Variants in CCDC180 observed in about 807,000 individuals in gnomAD.
CCDC180 encodes the protein coiled-coil domain-containing protein 180.
CCDC180 carries 154 observed loss-of-function variants against 209.2 expected under a neutral mutation model. The ratio of observed to expected loss-of-function variants is 0.74; its 90% CI spans 0.65 to 0.84. The LOEUF (loss-of-function observed/expected upper bound fraction) is 0.84, where lower values mean the gene tolerates loss of function less well. Among genes scored for constraint, CCDC180 ranks in the 40% least tolerant of loss-of-function variants. The probability of loss-of-function intolerance (pLI) is 0.00; values close to 1 mark genes in which losing one functional copy is unlikely to be tolerated. For missense variants in CCDC180, 1,874 were observed against 1,997.3 expected, an observed-to-expected ratio of 0.94 and a Z score of 1.18; for synonymous variants, 778 against 749.1, an observed-to-expected ratio of 1.04 and a Z score of -0.63.
chr9:97,367,296 G>T (rs1343050612), intron 31 of CCDC180, among the ~76,000 whole-genome samples: 1 of 152,006 alleles, frequency 6.6e-6, no homozygotes, highest in African/African-American at 2.4e-5. Flanking sequence ...ATATTCCATT[G>T]TATGAATCTA....
chr9:97,322,431 A>C (rs1437384731), intron 11 of CCDC180, among the ~76,000 whole-genome samples: 1 of 152,210 alleles, frequency 6.6e-6, no homozygotes, highest in Non-Finnish European at 1.5e-5. Flanking sequence ...TAGAGAAAAT[A>C]AATAAAAAAG....
Position 97,317,051 on chromosome 9 carries a change from A to G in CCDC180, c.796-14A>G, listed in dbSNP as rs373335057. 3.7e-6 allele frequency: 6 copies of G among 1,600,936 alleles called. No homozygotes were observed. The African/African-American group carries it at 8.0e-5, about 21-fold the overall frequency. ...CCCTGCCCTGTCTAGAGCCCTGCCC[A>G]TCTGTGACCACAGGTCATGAACTAT... is the stretch of plus-strand genomic sequence containing the variant. On this transcript the variant is annotated splice_polypyrimidine_tract_variant and intron_variant, in intron 8 of 36. Coordinates refer to ENST00000529487, the MANE Select transcript of CCDC180 (RefSeq NM_020893.6).
intron 26 of CCDC180, 58 bp from the exon 27 acceptor site, chr9:97,361,668 G>A: frequency 3.8e-6 from 6 of 1,571,182 alleles, no homozygotes; most frequent in Non-Finnish European, 4.3e-6. Flanking sequence ...TCGGCCTGCT[G>A]CCTCGCTGGC....
chr9:97,340,022 A>T (rs1826029249), intron 18 of CCDC180, among the ~76,000 whole-genome samples: 1 of 152,314 alleles, frequency 6.6e-6, no homozygotes, highest in South Asian at 2.1e-4. Flanking sequence ...GTCATTTAAG[A>T]TCTTCTCTAC....
chr9:97,366,761 C>T lies in CCDC180; in HGVS notation c.4189+61C>T. 1.3e-6 allele frequency: 2 copies of T among 1,579,762 alleles called. No homozygotes were observed. Among genetic ancestry groups the T allele is most frequent in the Non-Finnish European group, 1.7e-6 (2 of 1,162,010 alleles). ...GCGGGGCGCGAAGCCAGTGGTGGAG[C>T]TCGGCCTTGGCCTTGTGGCCTGGAT... is the stretch of plus-strand genomic sequence containing the variant. On this transcript the variant is annotated intron_variant, in intron 31 of 36. Transcript: ENST00000529487. The surrounding 1 kb of genome is among the most constrained non-coding windows in gnomAD (Gnocchi z 4.3).
intron 28 of CCDC180, chr9:97,363,755 C>G: frequency 1.9e-6 from 1 of 527,842 alleles, no homozygotes; most frequent in Non-Finnish European, 3.7e-6. Flanking sequence ...GGGTCCTCAT[C>G]ACGGGGAAGC....
intron 18 of CCDC180, among the ~76,000 whole-genome samples, chr9:97,341,814 C>T (rs1310006886): frequency 6.6e-6 from 1 of 152,210 alleles, no homozygotes; most frequent in Non-Finnish European, 1.5e-5. Context: ...AGGTGGGCCT[C>T]GTTGAGCTGA....
intron 20 of CCDC180, among the ~76,000 whole-genome samples, chr9:97,348,247 C>A (rs1410842555): frequency 6.6e-6 from 1 of 152,102 alleles, no homozygotes; most frequent in Non-Finnish European, 1.5e-5. Flanking sequence ...CATGCAAACT[C>A]CTATTCCTGG....
At chr9:97,339,635 C>G (rs534867794) in intron 18 of CCDC180, among the ~76,000 whole-genome samples, 2 of 152,190 alleles carry the variant, frequency 1.3e-5, no homozygotes, top group Admixed American at 1.3e-4. Context: ...AATTGTGTGT[C>G]TTGGGGTTGT....
chr9:97,336,518 C>T (rs1825908714), intron 18 of CCDC180, among the ~76,000 whole-genome samples: 1 of 152,142 alleles, frequency 6.6e-6, no homozygotes, highest in African/African-American at 2.4e-5. Context: ...TTCTATTGGT[C>T]TGTATCTCTG....
At chr9:97,339,276 T>C (rs183160444) in intron 18 of CCDC180, among the ~76,000 whole-genome samples, 4 of 152,340 alleles carry the variant, frequency 2.6e-5, no homozygotes, top group Admixed American at 2.6e-4. Flanking sequence ...CAATTTGGCA[T>C]GTTTTTGCAG....
At chr9:97,335,166 CT>C (rs1564158766) in intron 18 of CCDC180, among the ~76,000 whole-genome samples, 1 of 151,786 alleles carries the variant, frequency 6.6e-6, no homozygotes, top group African/African-American at 2.4e-5. Context: ...CCCATTTCTT[CT>C]TTTTTTATTT....
At position 97,374,639 on chromosome 9, in the gene CCDC180, G is replaced by C; in HGVS notation, c.4697G>C (p.Arg1566Pro). 6.2e-7 allele frequency: 1 copy of C among 1,613,654 alleles called. No individual in the cohort carries two copies. The highest frequency in any genetic ancestry group is 1.3e-5 in the African/African-American group (1 of 75,038). ...GAGAGTGAGAAACCCCTGATTGAAC[G>C]TGGAAGCAGGTGAGAACCAAGAGCA... ...KEESEKPLIERGSRKWPGIKP... is the reference protein window; with the variant it reads ...KEESEKPLIEPGSRKWPGIKP... The change falls in exon 35 of 37, where the codon CGT becomes CCT. Residue 1566 changes from arginine (R) to proline (P), a missense_variant. Arg to Pro is a moderately radical substitution (Grantham distance 103, BLOSUM62 -2). Transcript: ENST00000529487.
At chr9:97,373,103 G>A (rs937404961) in intron 34 of CCDC180, 1 of 152,184 alleles carries the variant, frequency 6.6e-6, no homozygotes, top group South Asian at 2.1e-4. Flanking sequence ...CTGTGTGAGA[G>A]ACAGAGACAG....
rs200368278 is a variant in CCDC180, at chr9:97,354,689, G to A, written c.3123G>A (p.Lys1041=). 2 of 1,614,258 alleles carry A rather than the reference G, an allele frequency of 1.2e-6. No homozygotes were observed. The highest frequency in any genetic ancestry group is 3.3e-5 in the Admixed American group (2 of 60,034). ...VESVIMLNME[K]LENEYLDQAN... ...GTGTCATCATGCTCAACATGGAGAA[G>A]TTGGAGAATGAGTACCTGGACCAGG... Residue 1041 remains lysine (K), a synonymous_variant, in exon 23 of 37, where the codon AAG becomes AAA. Transcript: ENST00000529487.
At position 97,354,670 on chromosome 9, in the gene CCDC180, T is replaced by C; in HGVS notation, c.3104T>C (p.Ile1035Thr). The C allele has an allele frequency of 6.2e-7, 1 of 1,614,208 alleles. No individual in the cohort carries two copies. The highest frequency in any genetic ancestry group is 1.3e-5 in the African/African-American group (1 of 75,048). The change falls in exon 23 of 37, where the codon ATC (isoleucine) becomes ACC (threonine). Residue 1035 changes from isoleucine (I) to threonine (T), a missense_variant. By Grantham distance (89) the Ile-to-Thr change is moderately conservative (BLOSUM62 -1). Transcript: ENST00000529487. ...CGGATAGAGTTGGTTGAAAGTGTCA[T>C]CATGCTCAACATGGAGAAGTTGGAG... ...AARIELVESVIMLNMEKLENE... is the reference protein window; with the variant it reads ...AARIELVESVTMLNMEKLENE...
At chr9:97,317,936 T>G (rs1833232084) in intron 9 of CCDC180, among the ~76,000 whole-genome samples, 1 of 152,210 alleles carries the variant, frequency 6.6e-6, no homozygotes, top group Non-Finnish European at 1.5e-5. Flanking sequence ...CTGGAAGCTG[T>G]TATAAATGCC....
intron 21 of CCDC180, 86 bp downstream of exon 21, chr9:97,349,377 G>T: frequency 8.2e-7 from 1 of 1,225,144 alleles, no homozygotes; most frequent in Non-Finnish European, 1.1e-6. Flanking sequence ...CCCCCTCCCT[G>T]TAGACACAAA....
At chr9:97,309,631 C>T (rs754230941) in intron 3 of CCDC180, 27 bp downstream of exon 3, 1 of 1,503,034 alleles carries the variant, frequency 6.7e-7, no homozygotes, top group South Asian at 1.4e-5. Flanking sequence ...ATGCCTCACC[C>T]CCATGCACTA....
Sources: gnomAD v4.1 joint callset for allele counts (sites outside exome capture counted in the v4.1 genomes callset) on GRCh38, gnomAD v4.1.1 for gene constraint, Gnocchi (gnomAD v3.1) non-coding constraint, MANE v1.5 for transcripts, NCBI Gene and HGNC (gene_info 2026-07-23, HGNC 2026-07-21) for gene names.